MTUS1: variants seen among roughly 807,000 people sequenced by gnomAD.
The protein encoded by MTUS1 is microtubule-associated tumor suppressor 1.
Under a neutral mutation model 120.8 loss-of-function variants are expected in MTUS1, and 109 were observed. That is an observed-to-expected ratio of 0.90 (90% CI 0.77 to 1.06). The LOEUF (loss-of-function observed/expected upper bound fraction) is 1.06. Ranked by LOEUF, MTUS1 falls within the 50% of genes least tolerant of loss-of-function variation. MTUS1 has a pLI of 0.00. For synonymous variants in MTUS1, 737 were observed against 550.5 expected (o/e 1.34, Z -4.74); for missense variants, 2,210 against 1,486.3 (o/e 1.49, Z -8.01).
chr8:17,684,845 C>T (rs879786450), intron 6 of MTUS1, among the ~76,000 whole-genome samples: 1 of 152,090 alleles, frequency 6.6e-6, no homozygotes, highest in Admixed American at 6.6e-5. Flanking sequence ...TTGTTCTCCT[C>T]GTTTCTCATT....
chr8:17,768,995 C>CT (rs2049795141), intron 1 of MTUS1, among the ~76,000 whole-genome samples: 1 of 151,992 alleles, frequency 6.6e-6, no homozygotes, highest in South Asian at 2.1e-4. Flanking sequence ...CTTACTCAGT[C>CT]AATAGCACAG....
At chr8:17,687,943 C>T (rs1464231951) in intron 6 of MTUS1, among the ~76,000 whole-genome samples, 7 of 152,192 alleles carry the variant, frequency 4.6e-5, no homozygotes, top group Non-Finnish European at 8.8e-5. Context: ...ACCTCCAAAT[C>T]CCAAGACCAA....
At chr8:17,761,702 ATTACT>A (rs1452049582) in intron 1 of MTUS1, among the ~76,000 whole-genome samples, 5 of 152,258 alleles carry the variant, frequency 3.3e-5, no homozygotes, top group Non-Finnish European at 7.3e-5. Flanking sequence ...AACTGGCTTC[ATTACT>A]TTATAACCAC....
At chr8:17,680,741 T>C (rs1356136716) in intron 7 of MTUS1, among the ~76,000 whole-genome samples, 2 of 151,988 alleles carry the variant, frequency 1.3e-5, no homozygotes, top group African/African-American at 2.4e-5. Context: ...AGAGGCCAGG[T>C]TGCATGAGGG....
chr8:17,663,601 T>C (rs574385557), intron 8 of MTUS1, among the ~76,000 whole-genome samples: 52 of 88,220 alleles, frequency 5.9e-4, no homozygotes, highest in African/African-American at 1.6e-3. Context: ...TTTTGTTTTG[T>C]TTTGTTTTTT....
At chr8:17,652,623 G>C (rs1268303348) in intron 12 of MTUS1, among the ~76,000 whole-genome samples, 1 of 152,040 alleles carries the variant, frequency 6.6e-6, no homozygotes, top group East Asian at 1.9e-4. Flanking sequence ...AATTTTACAT[G>C]TTAAAAGAGT....
chr8:17,662,750 C>A (rs1447297824), intron 8 of MTUS1, among the ~76,000 whole-genome samples: 3 of 150,958 alleles, frequency 2.0e-5, no homozygotes, highest in African/African-American at 7.3e-5. Flanking sequence ...AACTGCTGGG[C>A]AACTTTTGTA....
At chr8:17,689,682 A>C (rs1046580072) in intron 6 of MTUS1, among the ~76,000 whole-genome samples, 10 of 152,206 alleles carry the variant, frequency 6.6e-5, no homozygotes, top group African/African-American at 2.4e-4. Flanking sequence ...CTGGTCTAAA[A>C]ATAGACACAT....
chr8:17,733,732 C>G (rs1193771764), intron 3 of MTUS1, among the ~76,000 whole-genome samples: 1 of 152,134 alleles, frequency 6.6e-6, no homozygotes, highest in African/African-American at 2.4e-5. Flanking sequence ...CCTGTTGGCC[C>G]TCCTCTGTAT....
chr8:17,787,635 A>G (rs1252450934), intron 1 of MTUS1, among the ~76,000 whole-genome samples: 2 of 152,174 alleles, frequency 1.3e-5, no homozygotes, highest in African/African-American at 2.4e-5. Flanking sequence ...TCTTCGCCTC[A>G]TTTTCCTCAT....
At chr8:17,721,937 T>C (rs749184740) in intron 4 of MTUS1, 43 of 1,592,312 alleles carry the variant, frequency 2.7e-5, no homozygotes, top group Non-Finnish European at 3.5e-5. Flanking sequence ...CAGGAAAAAC[T>C]GCAGCCATGT....
intron 1 of MTUS1, among the ~76,000 whole-genome samples, chr8:17,766,618 G>C (rs551291177): frequency 6.6e-6 from 1 of 152,194 alleles, no homozygotes; most frequent in Non-Finnish European, 1.5e-5. Flanking sequence ...TTTGTAGAAC[G>C]CATGGCAGGA....
At chr8:17,674,563 G>A (rs1276802832) in intron 8 of MTUS1, 2 of 985,612 alleles carry the variant, frequency 2.0e-6, no homozygotes, top group Non-Finnish European at 2.4e-6. Context: ...GCTGGGTGGT[G>A]GGTGTTGAGA....
intron 6 of MTUS1, among the ~76,000 whole-genome samples, chr8:17,711,709 G>C (rs778765649): frequency 6.6e-6 from 1 of 152,204 alleles, no homozygotes; most frequent in African/African-American, 2.4e-5. Flanking sequence ...TGGCACAAGA[G>C]ACCTGGCTTC....
At chr8:17,778,831 T>A (rs753942716) in intron 1 of MTUS1, among the ~76,000 whole-genome samples, 51 of 151,878 alleles carry the variant, frequency 3.4e-4, no homozygotes, top group Non-Finnish European at 5.6e-4. Context: ...AAAATAAAAA[T>A]AAAGAAGACA....
intron 5 of MTUS1, 126 bp from the exon 6 acceptor site, chr8:17,713,378 A>G: frequency 1.6e-6 from 1 of 639,776 alleles, no homozygotes; most frequent in Non-Finnish European, 2.7e-6. Context: ...CCCGGTGGGA[A>G]ATATCACCGA....
At chr8:17,781,756 A>T (rs928211062) in intron 1 of MTUS1, among the ~76,000 whole-genome samples, 2 of 152,038 alleles carry the variant, frequency 1.3e-5, no homozygotes, top group South Asian at 4.1e-4. Context: ...CATGTGATCA[A>T]CCTCTGGCAT....
At chr8:17,671,917 G>A (rs760665606) in intron 8 of MTUS1, among the ~76,000 whole-genome samples, 1 of 152,076 alleles carries the variant, frequency 6.6e-6, no homozygotes, top group African/African-American at 2.4e-5. Flanking sequence ...TGCTTTATAT[G>A]CATTACTATT....
chr8:17,777,466 A>C (rs1446232230), intron 1 of MTUS1, among the ~76,000 whole-genome samples: 1 of 149,098 alleles, frequency 6.7e-6, no homozygotes, highest in African/African-American at 2.6e-5. Context: ...AAAAAAAAAA[A>C]AGATGTCAGG....
Sources: gnomAD v4.1 joint callset for allele counts (sites outside exome capture counted in the v4.1 genomes callset) on GRCh38, gnomAD v4.1.1 for gene constraint, MANE v1.5 for transcripts, NCBI Gene and HGNC (gene_info 2026-07-23, HGNC 2026-07-21) for gene names.